Variants in CYFIP2 observed in about 807,000 individuals in gnomAD.
The protein encoded by CYFIP2 is cytoplasmic FMR1-interacting protein 2.
CYFIP2 carries 29 observed loss-of-function variants against 158.7 expected under a neutral mutation model. The ratio of observed to expected loss-of-function variants is 0.18; its 90% CI spans 0.14 to 0.25. The LOEUF (loss-of-function observed/expected upper bound fraction) is 0.25. Ranked by LOEUF, CYFIP2 falls within the 10% of genes least tolerant of loss-of-function variation. The pLI is 1.00. For missense variants in CYFIP2, 852 were observed against 1,639.5 expected (o/e 0.52, Z 8.29); for synonymous variants, 585 against 617.6 (o/e 0.95, Z 0.78).
chr5:157,274,556 AC>A (rs1267259546), intron 1 of CYFIP2, among the ~76,000 whole-genome samples: 1 of 152,154 alleles, frequency 6.6e-6, no homozygotes, highest in East Asian at 1.9e-4. Flanking sequence ...TTTTGTGTGG[AC>A]CTGTATTTTC....
chr5:157,388,786 G>T (rs755505827), intron 28 of CYFIP2, among the ~76,000 whole-genome samples: 2 of 152,148 alleles, frequency 1.3e-5, no homozygotes, highest in Non-Finnish European at 2.9e-5. Context: ...GGGATGGAAT[G>T]GACTCAATAC....
intron 13 of CYFIP2, among the ~76,000 whole-genome samples, chr5:157,318,465 T>G (rs1388225629): frequency 6.6e-6 from 1 of 152,196 alleles, no homozygotes; most frequent in Admixed American, 6.5e-5. Context: ...CCTCTAATGC[T>G]TCTCTCCCAT....
chr5:157,309,871 G>A, intron 10 of CYFIP2, 37 bp downstream of exon 10: 1 of 1,551,778 alleles, frequency 6.4e-7, no homozygotes, highest in African/African-American at 1.4e-5. Context: ...GCTCCCGCAA[G>A]GATGCCCAGC....
Position 157,354,969 on chromosome 5 carries a change from G to A in CYFIP2, c.2674-4036G>A, listed in dbSNP as rs147913555. ...TAGGACACCACTCAGAAGGATGAGC[G>A]TCCAGGAAGAATGCGTTTCAGCTTG... is the stretch of plus-strand genomic sequence containing the variant. On this transcript the variant is annotated intron_variant, in intron 23 of 30. Transcript: ENST00000620254. 4.0e-4 allele frequency among the ~76,000 whole-genome samples: 61 copies of A among 152,164 alleles called. 1 individual carries two copies. Among genetic ancestry groups the A allele is most frequent in the Middle Eastern group, 3.4e-3 (1 of 294 alleles).
intron 1 of CYFIP2, among the ~76,000 whole-genome samples, chr5:157,269,977 G>C (rs1755948453): frequency 6.6e-6 from 1 of 152,224 alleles, no homozygotes; most frequent in Non-Finnish European, 1.5e-5. Flanking sequence ...CTTGGGCCCT[G>C]GCAACAGAGG....
intron 26 of CYFIP2, among the ~76,000 whole-genome samples, chr5:157,381,877 C>A (rs921558588): frequency 2.6e-5 from 4 of 152,110 alleles, no homozygotes; most frequent in African/African-American, 4.8e-5. Flanking sequence ...GAAAGCAAAC[C>A]CCGGCAGAGG....
chr5:157,324,199 C>A, intron 16 of CYFIP2, 125 bp downstream of exon 16: 1 of 1,154,768 alleles, frequency 8.7e-7, no homozygotes, highest in Non-Finnish European at 1.2e-6. Flanking sequence ...CACATATCAC[C>A]ACCAAGGAAA....
chr5:157,299,817 A>G (rs1464642161), intron 5 of CYFIP2, among the ~76,000 whole-genome samples: 4 of 152,126 alleles, frequency 2.6e-5, no homozygotes. Context: ...CAGGAGAATC[A>G]CTGGAACCTG....
chr5:157,324,391 A>C (rs2113131299), intron 16 of CYFIP2, among the ~76,000 whole-genome samples: 1 of 152,300 alleles, frequency 6.6e-6, no homozygotes, highest in African/African-American at 2.4e-5. Flanking sequence ...GACTTTTGCT[A>C]CTCAGCCGCA....
chr5:157,389,703 T>A (rs909065913), intron 29 of CYFIP2: 2 of 308,126 alleles, frequency 6.5e-6, no homozygotes, highest in African/African-American at 4.3e-5. Flanking sequence ...CAGAGCTAGT[T>A]CTTCCTGCCC....
At chr5:157,379,899 T>C (rs898394238) in intron 26 of CYFIP2, 7 of 152,138 alleles carry the variant, frequency 4.6e-5, no homozygotes, top group Non-Finnish European at 1.0e-4. Flanking sequence ...GACTGGAGTT[T>C]CATTATTACT....
chr5:157,294,796 A>G lies in CYFIP2; in HGVS notation c.221A>G (p.Glu74Gly). Residue 74 changes from glutamate to glycine, a missense_variant, in exon 4 of 31, where the codon GAG becomes GGG. This residue lies in a region of CYFIP2 where 123 missense variants were observed against 316.7 expected (regional missense o/e 0.39). Transcript: ENST00000620254. ...TTACCATTTCAGAATGAGATGCTGGAGGAAGGACATGAGTATGCGGTCATG... is the reference window on the plus strand; with the variant it reads ...TTACCATTTCAGAATGAGATGCTGGGGGAAGGACATGAGTATGCGGTCATG... ...TVHSSMNEML[E>G]EGHEYAVMLY... is the part of the protein sequence containing the mutation. 6.2e-7 allele frequency: 1 copy of G among 1,613,602 alleles called. No individual in the cohort carries two copies. The highest frequency in any genetic ancestry group is 2.2e-5 in the East Asian group (1 of 44,880).
chr5:157,382,258 G>A (rs1248812854), intron 26 of CYFIP2, among the ~76,000 whole-genome samples: 1 of 152,084 alleles, frequency 6.6e-6, no homozygotes, highest in East Asian at 1.9e-4. Context: ...GTTTGATTCT[G>A]TGTAATCCAT....
chr5:157,290,815 T>C (rs1324270983), intron 3 of CYFIP2, among the ~76,000 whole-genome samples: 1 of 152,214 alleles, frequency 6.6e-6, no homozygotes, highest in East Asian at 1.9e-4. Context: ...GCTCATCTTC[T>C]TGTATGTCTC....
At position 157,393,084 on chromosome 5, in the gene CYFIP2, C is replaced by T. The variant is rs1767466109; in HGVS notation, c.*84C>T. On this transcript the variant is annotated 3_prime_UTR_variant, in exon 31 of 31. Transcript: ENST00000620254. ...ACAGCCAGCCTGCCATAGGATCCAA[C>T]TGGACAACGTGTGGGATGGACCTGG... 3 of 1,518,076 alleles carry T rather than the reference C, an allele frequency of 2.0e-6. No homozygotes were observed. The highest frequency in any genetic ancestry group is 2.8e-5 in the African/African-American group (2 of 72,668). 94.0% of individuals were successfully genotyped at this position (1,518,076 alleles called of 1,614,324 possible).
chr5:157,341,146 T>C lies in CYFIP2; in HGVS notation c.2662T>C (p.Tyr888His), dbSNP rs768136187. ...KPANVQPYYL[Y>H]GSKPLNIAYS... is the part of the protein sequence containing the mutation. ...TGCCAACGTCCAGCCTTATTACCTC[T>C]ATGGATCCAAGGTAAGTAGTCCTGC... Residue 888 changes from tyrosine to histidine, a missense_variant, in exon 23 of 31, where the codon TAT becomes CAT. Tyr to His is a moderately conservative substitution (Grantham distance 83). Around this residue, in one of 8 missense-constraint regions of CYFIP2, gnomAD observed 191 missense variants for 311.2 expected, o/e 0.61. Transcript: ENST00000620254. 2 of 1,613,802 alleles carry C rather than the reference T, an allele frequency of 1.2e-6. No individual in the cohort carries two copies. Among genetic ancestry groups the C allele is most frequent in the Non-Finnish European group, 1.7e-6 (2 of 1,179,776 alleles).
chr5:157,317,995 T>A (rs1018703805), intron 13 of CYFIP2, among the ~76,000 whole-genome samples: 1 of 152,244 alleles, frequency 6.6e-6, no homozygotes, highest in African/African-American at 2.4e-5. Context: ...ACCTCTGTCC[T>A]GTCCTGTATC....
intron 30 of CYFIP2, 56 bp from the exon 31 acceptor site, chr5:157,392,777 C>A: frequency 1.3e-6 from 2 of 1,587,590 alleles, no homozygotes; most frequent in South Asian, 2.3e-5. Flanking sequence ...CTGTTACTCC[C>A]TCTTTCCACC....
Position 157,390,514 on chromosome 5 carries a change from C to T in CYFIP2, c.3447-7C>T, listed in dbSNP as rs374484481. 6.5e-7 allele frequency: 1 copy of T among 1,549,456 alleles called. No homozygotes were observed. The highest frequency in any genetic ancestry group is 2.0e-5 in the Admixed American group (1 of 50,886). On this transcript the variant is annotated splice_region_variant and splice_polypyrimidine_tract_variant and intron_variant, in intron 29 of 30. Coordinates refer to ENST00000620254, the MANE Select transcript of CYFIP2 (RefSeq NM_001037333.3). ...TCACTCCAGCTGCTTCCTCCCCCTG[C>T]TCCCAGGCAGTGTTTCGGCGATGGC...
Sources: allele counts gnomAD v4.1 joint callset (sites outside exome capture counted in the v4.1 genomes callset), GRCh38; gene constraint gnomAD v4.1.1; regional missense constraint gnomAD v4.1.1; transcripts MANE v1.5; gene names NCBI Gene and HGNC (gene_info 2026-07-23, HGNC 2026-07-21).